Variants in PDE1C observed in about 807,000 individuals in gnomAD.
PDE1C encodes dual specificity calcium/calmodulin-dependent 3',5'-cyclic nucleotide phosphodiesterase 1C.
In PDE1C, 62 loss-of-function variants were observed where a neutral mutation model predicts 93.1. The observed-to-expected ratio is 0.67, with a 90% CI of 0.54 to 0.82. PDE1C has a LOEUF of 0.82. Among genes scored for constraint, PDE1C ranks in the 40% least tolerant of loss-of-function variants. The pLI is 0.00. For missense variants in PDE1C, 742 were observed against 884.6 expected (o/e 0.84, Z 2.04); for synonymous variants, 325 against 310.1 (o/e 1.05, Z -0.50).
At chr7:31,721,654 T>C in the PDE1C span, among the ~76,000 whole-genome samples, 4 of 152,204 alleles carry the variant, frequency 2.6e-5, no homozygotes, top group Non-Finnish European at 4.4e-5. Flanking sequence ...AGGAACTTCA[T>C]GTTAAATGCT....
At chr7:31,876,711 A>G (rs1436967322) in intron 5 of PDE1C, among the ~76,000 whole-genome samples, 1 of 152,208 alleles carries the variant, frequency 6.6e-6, no homozygotes, top group Non-Finnish European at 1.5e-5. Flanking sequence ...GGGAAATATC[A>G]CTGTACATTA....
At chr7:31,922,911 T>A (rs1371281335) in intron 2 of PDE1C, among the ~76,000 whole-genome samples, 3 of 152,220 alleles carry the variant, frequency 2.0e-5, no homozygotes, top group African/African-American at 7.2e-5. Flanking sequence ...ATTGGGAAAG[T>A]GGATCTCCTC....
intron 16 of PDE1C, among the ~76,000 whole-genome samples, chr7:31,782,676 A>C (rs1188160238): frequency 6.6e-6 from 1 of 152,244 alleles, no homozygotes; most frequent in Non-Finnish European, 1.5e-5. Flanking sequence ...TTTTATCCCC[A>C]CAAAGGGGAG....
intron 3 of PDE1C, among the ~76,000 whole-genome samples, chr7:32,116,706 G>C (rs1799001770): frequency 6.6e-6 from 1 of 152,204 alleles, no homozygotes; most frequent in Non-Finnish European, 1.5e-5. Flanking sequence ...GTGAGCTAGA[G>C]AGTGAGAAGC....
At chr7:31,645,440 G>C in the PDE1C span, among the ~76,000 whole-genome samples, 3 of 152,244 alleles carry the variant, frequency 2.0e-5, no homozygotes, top group South Asian at 2.1e-4. Context: ...GTAAGAGAAA[G>C]CTTCATTTAG....
At chr7:32,400,414 C>CA (rs890394962) in intron 1 of PDE1C, among the ~76,000 whole-genome samples, 6 of 150,100 alleles carry the variant, frequency 4.0e-5, no homozygotes, top group Non-Finnish European at 7.4e-5. Context: ...ATGTTCTATG[C>CA]AAAAAAAAGA....
intron 1 of PDE1C, among the ~76,000 whole-genome samples, chr7:32,274,872 T>C (rs7778162): frequency 0.26 from 39,546 of 152,102 alleles, 5,414 homozygotes; most frequent in East Asian, 0.45. Flanking sequence ...CTTAAGAAAA[T>C]TGATATGGTT....
the PDE1C span, among the ~76,000 whole-genome samples, chr7:31,674,401 A>G: frequency 1.3e-5 from 2 of 152,228 alleles, no homozygotes; most frequent in Admixed American, 1.3e-4. Flanking sequence ...ACTTTTCTAT[A>G]TGCTTGGAAA....
At chr7:32,194,291 T>C (rs954723968) in intron 2 of PDE1C, among the ~76,000 whole-genome samples, 2 of 152,234 alleles carry the variant, frequency 1.3e-5, no homozygotes, top group African/African-American at 4.8e-5. Context: ...TATTCCCTTA[T>C]TATCCTTTTG....
At chr7:32,013,565 G>A (rs982707300) in intron 2 of PDE1C, among the ~76,000 whole-genome samples, 17 of 152,186 alleles carry the variant, frequency 1.1e-4, no homozygotes, top group Admixed American at 5.2e-4. Flanking sequence ...TTTAAAAGAG[G>A]CAAAGGCAGA....
intron 1 of PDE1C, among the ~76,000 whole-genome samples, chr7:32,423,699 C>CA (rs1197801408): frequency 6.6e-6 from 1 of 151,834 alleles, no homozygotes; most frequent in Admixed American, 6.6e-5. Context: ...CACCAAGACT[C>CA]ACAGAAGACG....
chr7:32,043,159 C>T (rs1792076648), intron 2 of PDE1C, among the ~76,000 whole-genome samples: 2 of 152,094 alleles, frequency 1.3e-5, no homozygotes, highest in Non-Finnish European at 2.9e-5. Context: ...CACAGGACAG[C>T]CCCTACAGCA....
At chr7:32,124,126 T>C (rs886910464) in intron 3 of PDE1C, among the ~76,000 whole-genome samples, 1 of 151,926 alleles carries the variant, frequency 6.6e-6, no homozygotes, top group Non-Finnish European at 1.5e-5. Context: ...GAGAATAAAA[T>C]ACCTAGGAAT....
At chr7:31,964,998 A>G (rs1563110738) in intron 2 of PDE1C, among the ~76,000 whole-genome samples, 1 of 152,196 alleles carries the variant, frequency 6.6e-6, no homozygotes. Flanking sequence ...AAAACCACAA[A>G]GATGGGGAAA....
Position 31,816,110 on chromosome 7 carries a change from C to A in PDE1C, c.1627G>T (p.Ala543Ser), listed in dbSNP as rs267601486. ...KEAEEKARLA[A>S]EEQQKEMEAK... ...TCCATTTCCTTTTGCTGCTCCTCTG[C>A]GGCCAGGCGAGCCTTTTCCTCTGCT... Residue 543 changes from alanine (A) to serine (S), a missense_variant, in exon 15 of 18, where the codon GCA (alanine) becomes TCA (serine). By Grantham distance (99) the Ala-to-Ser change is moderately conservative. Around this residue, in one of 4 missense-constraint regions of PDE1C, gnomAD observed 454 missense variants for 459.4 expected, o/e 0.99. Coordinates refer to ENST00000396191, the MANE Select transcript of PDE1C (RefSeq NM_001191057.4). 19 of 1,613,838 alleles carry A rather than the reference C, an allele frequency of 1.2e-5. No individual in the cohort carries two copies. The highest frequency in any genetic ancestry group is 1.6e-4 in the Middle Eastern group (1 of 6,082).
chr7:31,659,260 G>T, the PDE1C span, among the ~76,000 whole-genome samples: 1 of 152,148 alleles, frequency 6.6e-6, no homozygotes, highest in African/African-American at 2.4e-5. Flanking sequence ...CCGCTCCTAT[G>T]AATAAAATAA....
chr7:32,228,478 A>C (rs1013330743), intron 1 of PDE1C, among the ~76,000 whole-genome samples: 1 of 152,230 alleles, frequency 6.6e-6, no homozygotes, highest in African/African-American at 2.4e-5. Context: ...TAGAAAGTTT[A>C]AGGAATTTGT....
intron 9 of PDE1C, among the ~76,000 whole-genome samples, chr7:31,839,338 T>C (rs1176256922): frequency 2.0e-5 from 3 of 151,302 alleles, no homozygotes; most frequent in African/African-American, 7.3e-5. Context: ...AGATAATACA[T>C]ATTATACACA....
chr7:31,742,533 TA>T, the PDE1C span, among the ~76,000 whole-genome samples: 1 of 152,164 alleles, frequency 6.6e-6, no homozygotes, highest in East Asian at 1.9e-4. Context: ...AAGGAGACCC[TA>T]TCTCTAAAAT....
Sources: gnomAD v4.1 joint callset for allele counts (sites outside exome capture counted in the v4.1 genomes callset) on GRCh38, gnomAD v4.1.1 for gene constraint, gnomAD v4.1.1 regional missense constraint, MANE v1.5 for transcripts, NCBI Gene and HGNC (gene_info 2026-07-23, HGNC 2026-07-21) for gene names.